SHANK2: variants seen among roughly 807,000 people sequenced by gnomAD.
SHANK2 encodes the protein SH3 and multiple ankyrin repeat domains protein 2.
A neutral mutation model predicts 133.7 loss-of-function variants in SHANK2; 43 were observed. That is an observed-to-expected ratio of 0.32 (90% CI 0.25 to 0.41). The LOEUF (loss-of-function observed/expected upper bound fraction) is 0.41, where lower values mean the gene tolerates loss of function less well. Among genes scored for constraint, SHANK2 ranks in the 10% least tolerant of loss-of-function variants. The pLI is 1.00. For missense variants in SHANK2, 1,994 were observed against 2,235.8 expected, an observed-to-expected ratio of 0.89 and a Z score of 2.18; for synonymous variants, 1,017 against 952.8, an observed-to-expected ratio of 1.07 and a Z score of -1.24.
At chr11:70,481,048 G>A (rs894603008) in intron 25 of SHANK2, among the ~76,000 whole-genome samples, 4 of 152,152 alleles carry the variant, frequency 2.6e-5, no homozygotes, top group African/African-American at 7.2e-5. Context: ...CCCCAAACCA[G>A]TTTCCTTCAC....
intron 17 of SHANK2, among the ~76,000 whole-genome samples, chr11:70,590,068 C>T (rs541593219): frequency 7.9e-5 from 12 of 152,220 alleles, no homozygotes; most frequent in Admixed American, 1.3e-4. Flanking sequence ...GGCAGGAGAA[C>T]GGCGTGAACC....
rs749214555 is a variant in SHANK2, at chr11:71,188,361, GC to G, written c.-13+36335del. On this transcript the variant is annotated intron_variant, in intron 2 of 25. Coordinates refer to ENST00000601538, the MANE Select transcript of SHANK2 (RefSeq NM_012309.5). The surrounding 1 kb of genome is among the most constrained non-coding windows in gnomAD (Gnocchi z 4.6). ...GCCCCAAACGCCCTCAGCAGCCCATGCCCAGGCCTCAGTACACACCATCCCT... is the reference window on the plus strand; with the variant it reads ...GCCCCAAACGCCCTCAGCAGCCCATGCCAGGCCTCAGTACACACCATCCCT... 3.3e-5 allele frequency among the ~76,000 whole-genome samples: 5 copies of G among 152,116 alleles called. No individual in the cohort carries two copies. The highest frequency in any genetic ancestry group is 5.9e-5 in the Non-Finnish European group (4 of 68,024).
At chr11:71,090,842 C>T (rs1409467110) in intron 8 of SHANK2, among the ~76,000 whole-genome samples, 6 of 152,068 alleles carry the variant, frequency 3.9e-5, no homozygotes, top group African/African-American at 9.7e-5. Context: ...CAGTGTTCAG[C>T]GGGAATCTGG....
intron 8 of SHANK2, among the ~76,000 whole-genome samples, chr11:71,086,695 C>A (rs1330756212): frequency 6.6e-6 from 1 of 151,692 alleles, no homozygotes; most frequent in African/African-American, 2.4e-5. Flanking sequence ...TTGAGACCCG[C>A]ACTGTGGCAT....
intron 14 of SHANK2, among the ~76,000 whole-genome samples, chr11:70,782,564 C>T (rs1301545495): frequency 1.3e-5 from 2 of 152,200 alleles, no homozygotes; most frequent in African/African-American, 4.8e-5. Context: ...GGAAGAGTCC[C>T]CAGCCCCCAG....
chr11:71,183,154 G>A (rs1410301658), intron 2 of SHANK2, among the ~76,000 whole-genome samples: 17 of 152,164 alleles, frequency 1.1e-4, no homozygotes, highest in African/African-American at 2.7e-4. Flanking sequence ...TCTGGAAGGC[G>A]AAATAAAGAG....
chr11:71,184,655 C>T (rs1555114234), intron 2 of SHANK2, among the ~76,000 whole-genome samples: 1 of 152,340 alleles, frequency 6.6e-6, no homozygotes, highest in South Asian at 2.1e-4. Flanking sequence ...TTTTTACTGA[C>T]CCATGGGCAG....
intron 17 of SHANK2, among the ~76,000 whole-genome samples, chr11:70,599,872 AAAGAAAG>A (rs1347679922): frequency 3.9e-5 from 4 of 101,276 alleles, no homozygotes; most frequent in African/African-American, 1.4e-4. Context: ...AAAAAGAAAG[AAAGAAAG>A]AAAGAAAGAA....
Position 70,473,711 on chromosome 11 carries a change from G to C in SHANK2, c.4980-272C>G. On this transcript the variant is annotated intron_variant, in intron 25 of 25. Transcript: ENST00000601538. The surrounding 1 kb of genome is among the most constrained non-coding windows in gnomAD (Gnocchi z 5.9). ...CTGGGGGACCTGCCTGTGCTGGGGGGAGCACACCACGTCAGCCCACTCACC... is the reference window on the plus strand; with the variant it reads ...CTGGGGGACCTGCCTGTGCTGGGGGCAGCACACCACGTCAGCCCACTCACC... 1.8e-6 allele frequency: 1 copy of C among 543,744 alleles called. No homozygotes were observed. The highest frequency in any genetic ancestry group is 3.4e-6 in the Non-Finnish European group (1 of 293,704). 33.7% of individuals were successfully genotyped at this position (543,744 alleles called of 1,614,324 possible).
At chr11:70,641,059 AT>A (rs34899609) in intron 17 of SHANK2, among the ~76,000 whole-genome samples, 69,496 of 148,518 alleles carry the variant, frequency 0.47, 16,463 homozygotes, top group Middle Eastern at 0.63. Context: ...AATTCTAAGT[AT>A]TTTTTTTTTC....
chr11:71,087,798 T>G (rs1190876479), intron 8 of SHANK2, among the ~76,000 whole-genome samples: 1 of 152,086 alleles, frequency 6.6e-6, no homozygotes, highest in Non-Finnish European at 1.5e-5. Flanking sequence ...CTTGGCTAAT[T>G]TTTGTATTTT....
chr11:70,623,699 G>A (rs1480265031), intron 17 of SHANK2, among the ~76,000 whole-genome samples: 3 of 152,188 alleles, frequency 2.0e-5, no homozygotes, highest in Non-Finnish European at 4.4e-5. Flanking sequence ...TATTAAATAC[G>A]TAAAACTAAG....
In SHANK2 at chr11:70,504,325, T is replaced by TCCC. The variant is rs1554967898; in HGVS notation, c.2062-1395_2062-1394insGGG. On this transcript the variant is annotated intron_variant, in intron 17 of 25. Transcript: ENST00000601538. Reference sequence around the variant, plus strand: ...TGGATAGAAGCAGGTACTGCCTGGCTCACCATACTGTTGACAGGCCCAGTG... The same window carrying TCCC: ...TGGATAGAAGCAGGTACTGCCTGGCTCCCCACCATACTGTTGACAGGCCCAGTG... Among the ~76,000 whole-genome samples the TCCC allele has an allele frequency of 2.6e-3, 398 of 150,952 alleles. 2 individuals carry two copies. The highest frequency in any genetic ancestry group is 8.9e-3 in the African/African-American group (364 of 40,874).
chr11:70,733,018 G>A (rs1300716720), intron 14 of SHANK2, among the ~76,000 whole-genome samples: 1 of 152,264 alleles, frequency 6.6e-6, no homozygotes, highest in African/African-American at 2.4e-5. Context: ...ATGGAGTGAT[G>A]ACTAAGCAGT....
chr11:70,823,560 G>T (rs1483249266), intron 11 of SHANK2, among the ~76,000 whole-genome samples: 3 of 141,894 alleles, frequency 2.1e-5, no homozygotes, highest in Admixed American at 7.1e-5. Flanking sequence ...CAGAGGTGGC[G>T]CTGGCAGCGT....
At chr11:70,933,371 G>C (rs765482622) in intron 10 of SHANK2, 1 of 452,942 alleles carries the variant, frequency 2.2e-6, no homozygotes, top group Non-Finnish European at 4.4e-6. Flanking sequence ...GGGGAGGAGG[G>C]AACAAAGAGT....
chr11:70,583,801 C>G (rs2060214123), intron 17 of SHANK2, among the ~76,000 whole-genome samples: 1 of 152,204 alleles, frequency 6.6e-6, no homozygotes, highest in Non-Finnish European at 1.5e-5. Flanking sequence ...CCAACAAGAT[C>G]TCACCATCAC....
intron 11 of SHANK2, among the ~76,000 whole-genome samples, chr11:70,833,800 C>A (rs1437798779): frequency 6.6e-6 from 1 of 152,220 alleles, no homozygotes; most frequent in Non-Finnish European, 1.5e-5. Flanking sequence ...GAGGGAGGTC[C>A]TGACAGGCAT....
intron 17 of SHANK2, among the ~76,000 whole-genome samples, chr11:70,531,244 A>G (rs1554973139): frequency 6.6e-6 from 1 of 152,056 alleles, no homozygotes; most frequent in African/African-American, 2.4e-5. Context: ...ATAACTTTTT[A>G]AAAGGGAGAG....
Sources: gnomAD v4.1 joint callset for allele counts (sites outside exome capture counted in the v4.1 genomes callset) on GRCh38, gnomAD v4.1.1 for gene constraint, Gnocchi (gnomAD v3.1) non-coding constraint, MANE v1.5 for transcripts, NCBI Gene and HGNC (gene_info 2026-07-23, HGNC 2026-07-21) for gene names.